The following ANO3 variants were observed in gnomAD, a reference collection of about 807,000 sequenced individuals.
ANO3 encodes the protein anoctamin 3.
Under a neutral mutation model 144.8 loss-of-function variants are expected in ANO3, and 99 were observed. That is an observed-to-expected ratio of 0.68 (90% confidence interval 0.58 to 0.81). The LOEUF is 0.81. Among genes scored for constraint, ANO3 ranks in the 30% least tolerant of loss-of-function variants. The pLI is 0.00. For synonymous variants in ANO3, 414 were observed against 392.6 expected, an observed-to-expected ratio of 1.05 and a Z score of -0.64; for missense variants, 905 against 1,202.2, an observed-to-expected ratio of 0.75 and a Z score of 3.66.
intron 11 of ANO3, among the ~76,000 whole-genome samples, chr11:26,546,369 T>C (rs925174700): frequency 6.6e-6 from 1 of 151,910 alleles, no homozygotes; most frequent in Admixed American, 6.6e-5. Flanking sequence ...AAGATTTAAT[T>C]GGCACAACAC....
chr11:26,436,228 C>G (rs997372912), intron 1 of ANO3, among the ~76,000 whole-genome samples: 1 of 152,180 alleles, frequency 6.6e-6, no homozygotes, highest in Non-Finnish European at 1.5e-5. Context: ...TTCTCCAGAA[C>G]TGGAGACAGC....
At chr11:26,633,015 C>G (rs1021291466) in intron 18 of ANO3, among the ~76,000 whole-genome samples, 1 of 152,288 alleles carries the variant, frequency 6.6e-6, no homozygotes, top group Non-Finnish European at 1.5e-5. Context: ...ACAGACCCTT[C>G]CTACTTTTGG....
chr11:26,498,843 T>C (rs1861074899), intron 4 of ANO3, among the ~76,000 whole-genome samples: 1 of 151,882 alleles, frequency 6.6e-6, no homozygotes, highest in South Asian at 2.1e-4. Context: ...ATAAATAATC[T>C]TTAAACAATA....
chr11:26,446,374 A>G (rs72886277), intron 3 of ANO3, among the ~76,000 whole-genome samples: 1 of 152,300 alleles, frequency 6.6e-6, no homozygotes, highest in Non-Finnish European at 1.5e-5. Flanking sequence ...GAATTTCCTG[A>G]CTAATGCATC....
At chr11:26,553,707 G>A (rs1483638048) in intron 13 of ANO3, among the ~76,000 whole-genome samples, 4 of 152,036 alleles carry the variant, frequency 2.6e-5, no homozygotes. Flanking sequence ...TCGGTACGGA[G>A]AAAATGAAAT....
At chr11:26,307,182 C>T (rs376997450), upstream of ANO3, among the ~76,000 whole-genome samples, 191 of 151,324 alleles carry the variant, frequency 1.3e-3, no homozygotes, top group African/African-American at 3.3e-3. Flanking sequence ...AGTAAAACCC[C>T]GCCTCTACTA....
At chr11:26,234,475 T>C (rs1191359289) in intron 1 of ANO3, among the ~76,000 whole-genome samples, 2 of 152,188 alleles carry the variant, frequency 1.3e-5, no homozygotes. Flanking sequence ...CAAGAGCTAA[T>C]GGAAAAGAAA....
chr11:26,594,395 G>A (rs1851547245), intron 14 of ANO3, among the ~76,000 whole-genome samples: 1 of 152,152 alleles, frequency 6.6e-6, no homozygotes, highest in Admixed American at 6.5e-5. Context: ...TGGAGTTAGT[G>A]CCTGATTTAG....
chr11:26,348,817 T>C (rs1418370733), intron 1 of ANO3, among the ~76,000 whole-genome samples: 1 of 152,208 alleles, frequency 6.6e-6, no homozygotes, highest in African/African-American at 2.4e-5. Flanking sequence ...GGTGAAACTG[T>C]TGGGGAAACA....
At chr11:26,242,005 C>T (rs1041098442) in intron 1 of ANO3, among the ~76,000 whole-genome samples, 21 of 152,164 alleles carry the variant, frequency 1.4e-4, no homozygotes, top group African/African-American at 4.3e-4. Context: ...GAGGATATAA[C>T]ATTTGAAGTG....
At chr11:26,251,059 T>A (rs1232113945) in intron 1 of ANO3, among the ~76,000 whole-genome samples, 1 of 152,132 alleles carries the variant, frequency 6.6e-6, no homozygotes, top group Admixed American at 6.5e-5. Context: ...GTATTGCTAC[T>A]CCAGGAAAAT....
chr11:26,527,680 T>C (rs1270718208), intron 7 of ANO3, among the ~76,000 whole-genome samples: 1 of 152,214 alleles, frequency 6.6e-6, no homozygotes, highest in Admixed American at 6.5e-5. Context: ...ATAAATAATG[T>C]ACAGGCAGTT....
chr11:26,267,254 C>A (rs1853336675), intron 1 of ANO3, among the ~76,000 whole-genome samples: 1 of 151,982 alleles, frequency 6.6e-6, no homozygotes, highest in Non-Finnish European at 1.5e-5. Context: ...CATCTTTCTA[C>A]CACTCTTCAA....
chr11:26,327,537 A>C (rs192284283), upstream of ANO3, among the ~76,000 whole-genome samples: 1 of 152,176 alleles, frequency 6.6e-6, no homozygotes, highest in African/African-American at 2.4e-5. Context: ...AAAGCAGACC[A>C]ATAAGGAAGA....
At chr11:26,407,487 T>C in intron 1 of ANO3, among the ~76,000 whole-genome samples, 1 of 151,808 alleles carries the variant, frequency 6.6e-6, no homozygotes, top group East Asian at 1.9e-4. Flanking sequence ...GCTTGTGAAT[T>C]CTAACTTTAT....
chr11:26,584,251 T>G (rs951980925), intron 14 of ANO3, among the ~76,000 whole-genome samples: 15 of 152,184 alleles, frequency 9.9e-5, no homozygotes, highest in Admixed American at 9.2e-4. Context: ...CTCCGCCTCC[T>G]GTGTTCAAGC....
At chr11:26,656,309 T>G in intron 25 of ANO3, 67 bp from the exon 26 acceptor site, 1 of 1,484,032 alleles carries the variant, frequency 6.7e-7, no homozygotes, top group Non-Finnish European at 9.4e-7. Context: ...TTTTGGCAAA[T>G]CAAGAAAATT....
intron 14 of ANO3, chr11:26,565,562 A>G (rs1850538785): frequency 6.2e-7 from 1 of 1,613,078 alleles, no homozygotes; most frequent in Admixed American, 1.7e-5. Context: ...TGGGTTTTAG[A>G]CTGCCCAAAG....
intron 1 of ANO3, among the ~76,000 whole-genome samples, chr11:26,422,938 A>G (rs1857796282): frequency 6.6e-6 from 1 of 151,960 alleles, no homozygotes; most frequent in Non-Finnish European, 1.5e-5. Flanking sequence ...AATCCTTATA[A>G]TAGCTTTGGA....
Sources: allele counts gnomAD v4.1 joint callset (sites outside exome capture counted in the v4.1 genomes callset), GRCh38; gene constraint gnomAD v4.1.1; transcripts MANE v1.5; gene names NCBI Gene and HGNC (gene_info 2026-07-23, HGNC 2026-07-21).